Variants in RAD51B observed in about 807,000 individuals in gnomAD.
RAD51B encodes the protein DNA repair protein RAD51 homolog 2.
RAD51B carries 38 observed loss-of-function variants against 42.2 expected under a neutral mutation model. The ratio of observed to expected loss-of-function variants is 0.90; its 90% CI spans 0.70 to 1.18. The LOEUF (loss-of-function observed/expected upper bound fraction) is 1.18, where lower values mean the gene tolerates loss of function less well. Ranked by LOEUF, RAD51B falls within the 50% of genes most tolerant of loss-of-function variation. The pLI, the probability that RAD51B is intolerant of heterozygous loss-of-function variation, is 0.00. For synonymous variants in RAD51B, 154 were observed against 145.2 expected, an observed-to-expected ratio of 1.06 and a Z score of -0.43; for missense variants, 373 against 400.7, an observed-to-expected ratio of 0.93 and a Z score of 0.59.
At chr14:67,829,862 C>T (rs2040972443) in intron 3 of RAD51B, among the ~76,000 whole-genome samples, 1 of 152,000 alleles carries the variant, frequency 6.6e-6, no homozygotes, top group African/African-American at 2.4e-5. Context: ...AGTGCTAAAT[C>T]CTATGAAGGA....
intron 7 of RAD51B, among the ~76,000 whole-genome samples, chr14:68,010,326 T>G (rs2075662533): frequency 6.6e-6 from 1 of 151,792 alleles, no homozygotes; most frequent in South Asian, 2.1e-4. Flanking sequence ...AGAAATAACT[T>G]TAATGCAAGT....
At chr14:68,222,029 T>C (rs982705267) in intron 7 of RAD51B, among the ~76,000 whole-genome samples, 3 of 151,930 alleles carry the variant, frequency 2.0e-5, no homozygotes, top group African/African-American at 7.3e-5. Flanking sequence ...AATCAAAACA[T>C]AAAAAAATAA....
At chr14:68,291,799 C>A in intron 7 of RAD51B, 85 bp from the exon 8 acceptor site, 1 of 1,048,582 alleles carries the variant, frequency 9.5e-7, no homozygotes, top group Non-Finnish European at 1.5e-6. Flanking sequence ...CCATAGTCTG[C>A]CTTTTGATAG....
At chr14:68,538,701 A>G (rs889321425) in intron 10 of RAD51B, among the ~76,000 whole-genome samples, 2 of 152,092 alleles carry the variant, frequency 1.3e-5, no homozygotes, top group Non-Finnish European at 2.9e-5. Flanking sequence ...TTGAATAAGA[A>G]TAGAGATTTC....
intron 8 of RAD51B, among the ~76,000 whole-genome samples, chr14:68,337,568 A>G (rs1443568573): frequency 6.6e-6 from 1 of 151,954 alleles, no homozygotes; most frequent in Non-Finnish European, 1.5e-5. Flanking sequence ...TCTGCTGTCT[A>G]CCTATTGCCA....
At chr14:68,431,851 A>G (rs2085016958) in intron 9 of RAD51B, among the ~76,000 whole-genome samples, 1 of 152,062 alleles carries the variant, frequency 6.6e-6, no homozygotes, top group Non-Finnish European at 1.5e-5. Flanking sequence ...TTAGGGTGTC[A>G]ATTTTAGATC....
chr14:68,124,691 C>T (rs1406732996), intron 7 of RAD51B, among the ~76,000 whole-genome samples: 3 of 152,110 alleles, frequency 2.0e-5, no homozygotes, highest in Non-Finnish European at 2.9e-5. Flanking sequence ...TGGTGGCTCA[C>T]ACCTGTAATC....
chr14:68,288,980 T>C (rs2081465199), intron 7 of RAD51B, among the ~76,000 whole-genome samples: 1 of 152,218 alleles, frequency 6.6e-6, no homozygotes, highest in Non-Finnish European at 1.5e-5. Flanking sequence ...CAGTATCTTA[T>C]TGGCCTTGAT....
intron 7 of RAD51B, among the ~76,000 whole-genome samples, chr14:68,185,125 G>T (rs571077206): frequency 1.3e-5 from 2 of 152,062 alleles, no homozygotes; most frequent in South Asian, 4.1e-4. Flanking sequence ...ACCCCCACCA[G>T]CCAAAATGTC....
intron 7 of RAD51B, among the ~76,000 whole-genome samples, chr14:68,202,506 C>T (rs2079506867): frequency 6.6e-6 from 1 of 151,670 alleles, no homozygotes; most frequent in Non-Finnish European, 1.5e-5. Context: ...ATGTTCACAG[C>T]ACCTTCACCA....
chr14:67,878,054 ATT>A (rs1244876779), intron 5 of RAD51B, among the ~76,000 whole-genome samples: 1 of 152,188 alleles, frequency 6.6e-6, no homozygotes, highest in African/African-American at 2.4e-5. Context: ...TTATCAAGAT[ATT>A]GTCTTACAGT....
chr14:68,622,930 A>G (rs1196569771), intron 10 of RAD51B, among the ~76,000 whole-genome samples: 2 of 152,042 alleles, frequency 1.3e-5, no homozygotes, highest in East Asian at 1.9e-4. Flanking sequence ...AACTCTGTAA[A>G]TTAATTCATC....
intron 7 of RAD51B, among the ~76,000 whole-genome samples, chr14:67,991,568 G>C (rs569880184): frequency 6.6e-6 from 1 of 152,316 alleles, no homozygotes; most frequent in African/African-American, 2.4e-5. Flanking sequence ...ATCTGAAAGA[G>C]TGATATTTAA....
Position 68,496,112 on chromosome 14 carries a change from C to A in RAD51B, c.1036+27862C>A, listed in dbSNP as rs557024605. Among the ~76,000 whole-genome samples the A allele has an allele frequency of 1.6e-3, 246 of 152,318 alleles. 1 individual carries two copies. Among genetic ancestry groups the A allele is most frequent in the South Asian group, 2.1e-3 (10 of 4,832 alleles). On this transcript the variant is annotated intron_variant, in intron 10 of 10. Coordinates refer to the RAD51B transcript ENST00000487270. ...AAACAGTGTGTCAAACATGCACAAA[C>A]GGTGATGTGTCCATCCCTCTTTGGA...
intron 7 of RAD51B, among the ~76,000 whole-genome samples, chr14:67,959,251 A>T (rs1030459646): frequency 5.5e-5 from 8 of 145,572 alleles, no homozygotes; most frequent in Non-Finnish European, 1.1e-4. Context: ...TTTGGTCAAT[A>T]TTTTTTTTTT....
chr14:67,907,429 C>T (rs1460425328), intron 7 of RAD51B, among the ~76,000 whole-genome samples: 1 of 152,016 alleles, frequency 6.6e-6, no homozygotes, highest in Non-Finnish European at 1.5e-5. Flanking sequence ...TATTATATCT[C>T]ATGGTTTGTG....
intron 10 of RAD51B, chr14:68,540,559 G>A: frequency 5.1e-6 from 5 of 985,320 alleles, no homozygotes; most frequent in Non-Finnish European, 6.0e-6. Flanking sequence ...ATAAGTATTT[G>A]CAAAACTGGG....
chr14:68,479,667 C>CTTTTTTTTTTTTTTTTTT (rs34999023), downstream of RAD51B, among the ~76,000 whole-genome samples: 4 of 96,440 alleles, frequency 4.1e-5, no homozygotes, highest in African/African-American at 4.1e-5. Flanking sequence ...TCTTATTCTT[C>CTTTTTTTTTTTTTTTTTT]TTTTTTTTTT....
chr14:67,993,189 A>C (rs145105434), intron 7 of RAD51B, among the ~76,000 whole-genome samples: 117 of 152,294 alleles, frequency 7.7e-4, no homozygotes, highest in Non-Finnish European at 1.4e-3. Flanking sequence ...ATCATGCTTG[A>C]GGGTATGGAT....
Sources: allele counts gnomAD v4.1 joint callset (sites outside exome capture counted in the v4.1 genomes callset), GRCh38; gene constraint gnomAD v4.1.1; transcripts MANE v1.5; gene names NCBI Gene and HGNC (gene_info 2026-07-23, HGNC 2026-07-21).